ROBO1: variants seen among roughly 807,000 people sequenced by gnomAD.
ROBO1 encodes the protein roundabout homolog 1.
A neutral mutation model predicts 195.9 loss-of-function variants in ROBO1; 149 were observed. That is an observed-to-expected ratio of 0.76 (90% confidence interval 0.67 to 0.87). The LOEUF is 0.87. ROBO1 is among the 40% of genes least tolerant of loss of function. ROBO1 has a pLI of 0.00. For synonymous variants in ROBO1, 816 were observed against 733.2 expected, an observed-to-expected ratio of 1.11 and a Z score of -1.82; for missense variants, 1,933 against 2,068.3, an observed-to-expected ratio of 0.93 and a Z score of 1.27.
intron 2 of ROBO1, among the ~76,000 whole-genome samples, chr3:79,212,065 T>A (rs2081974390): frequency 6.6e-6 from 1 of 152,230 alleles, no homozygotes; most frequent in Non-Finnish European, 1.5e-5. Flanking sequence ...CAGGAGCATG[T>A]CCTTAAGGCA....
Position 78,741,405 on chromosome 3 carries a change from T to A in ROBO1, c.657+5338A>T, listed in dbSNP as rs73111654. ...TCTAAGAAAACAAACATAGAATAAG[T>A]GGCAAATTTTAAAACAAACAAACTA... On this transcript the variant is annotated intron_variant, in intron 5 of 30. Coordinates refer to ENST00000464233, the MANE Select transcript of ROBO1 (RefSeq NM_002941.4). Among the ~76,000 whole-genome samples, 1,501 of 152,308 alleles carry A rather than the reference T, an allele frequency of 9.9e-3. 11 individuals carry two copies. The highest frequency in any genetic ancestry group is 0.014 in the Admixed American group (216 of 15,294).
intron 10 of ROBO1, among the ~76,000 whole-genome samples, chr3:78,673,559 A>ATT (rs1172752825): frequency 3.2e-3 from 281 of 88,056 alleles, no homozygotes; most frequent in African/African-American, 9.0e-3. Flanking sequence ...GGTTACATAT[A>ATT]TTTTATATAT....
At chr3:78,614,903 T>C (rs963320843) in intron 27 of ROBO1, 103 bp from the exon 28 acceptor site, 1 of 1,218,110 alleles carries the variant, frequency 8.2e-7, no homozygotes, top group Non-Finnish European at 1.1e-6. Context: ...CAGCTTTAAT[T>C]TTTCTGAAAA....
At chr3:79,214,274 C>T (rs972039865) in intron 2 of ROBO1, among the ~76,000 whole-genome samples, 2 of 151,822 alleles carry the variant, frequency 1.3e-5, no homozygotes, top group African/African-American at 4.8e-5. Flanking sequence ...AGTTTATTAC[C>T]GTAAATAATA....
At chr3:79,348,225 A>T (rs926946081) in intron 2 of ROBO1, among the ~76,000 whole-genome samples, 39 of 151,892 alleles carry the variant, frequency 2.6e-4, no homozygotes, top group African/African-American at 8.9e-4. Flanking sequence ...AAAAAAAAAA[A>T]AAAAAGTGAA....
chr3:78,860,885 C>A (rs2034789920), intron 4 of ROBO1, among the ~76,000 whole-genome samples: 3 of 152,202 alleles, frequency 2.0e-5, no homozygotes, highest in Middle Eastern at 3.4e-3. Context: ...TCTCAGGTAT[C>A]CCAGATGGTT....
chr3:79,054,658 A>G lies in ROBO1; in HGVS notation c.172+70798T>C, dbSNP rs146593249. Among the ~76,000 whole-genome samples the G allele has an allele frequency of 4.2e-3, 643 of 152,182 alleles. 11 individuals are homozygous for G. The highest frequency in any genetic ancestry group is 0.014 in the African/African-American group (599 of 41,532). On this transcript the variant is annotated intron_variant, in intron 3 of 30. Coordinates refer to ENST00000464233, the MANE Select transcript of ROBO1 (RefSeq NM_002941.4). ...CATACTCGTAAAAATTGCACTTAAA[A>G]ACTTAAAAGCGGCCAAGCTGGCTCA... is the stretch of plus-strand genomic sequence containing the variant.
intron 2 of ROBO1, among the ~76,000 whole-genome samples, chr3:79,148,279 A>G (rs2080694639): frequency 1.3e-5 from 2 of 151,900 alleles, no homozygotes; most frequent in Admixed American, 1.3e-4. Flanking sequence ...CACAGTAAGA[A>G]TGAGAAGAAA....
At chr3:79,547,032 A>G (rs1193915219) in intron 2 of ROBO1, among the ~76,000 whole-genome samples, 1 of 151,700 alleles carries the variant, frequency 6.6e-6, no homozygotes. Context: ...ATACAAAAAC[A>G]AAATTAGCCG....
intron 4 of ROBO1, among the ~76,000 whole-genome samples, chr3:78,777,032 T>A (rs1380282562): frequency 6.6e-6 from 1 of 152,188 alleles, no homozygotes; most frequent in Non-Finnish European, 1.5e-5. Context: ...GTCATCTCTA[T>A]AATAATTACT....
At chr3:78,669,129 C>T (rs1707908687) in intron 11 of ROBO1, among the ~76,000 whole-genome samples, 1 of 152,144 alleles carries the variant, frequency 6.6e-6, no homozygotes, top group Admixed American at 6.6e-5. Flanking sequence ...CTGGAACGAA[C>T]ACTCTCGCTC....
intron 4 of ROBO1, among the ~76,000 whole-genome samples, chr3:78,896,974 G>A (rs1287713056): frequency 6.6e-6 from 1 of 152,172 alleles, no homozygotes; most frequent in African/African-American, 2.4e-5. Context: ...GATAGCAAGA[G>A]GTGAGAAAAT....
chr3:79,544,882 C>A (rs1390742706), intron 2 of ROBO1, among the ~76,000 whole-genome samples: 1 of 151,954 alleles, frequency 6.6e-6, no homozygotes, highest in Non-Finnish European at 1.5e-5. Flanking sequence ...CTTAAGGTTT[C>A]TTTTTTCTCT....
At chr3:79,099,295 A>G (rs2079630802) in intron 3 of ROBO1, among the ~76,000 whole-genome samples, 1 of 151,810 alleles carries the variant, frequency 6.6e-6, no homozygotes, top group African/African-American at 2.4e-5. Flanking sequence ...CACACAAAAA[A>G]TGAATAATAC....
At chr3:79,251,635 C>T (rs2082731471) in intron 2 of ROBO1, among the ~76,000 whole-genome samples, 1 of 152,104 alleles carries the variant, frequency 6.6e-6, no homozygotes, top group South Asian at 2.1e-4. Context: ...CCTGCAGTCC[C>T]AGCTACTCGG....
chr3:79,393,145 C>T (rs1006269267), intron 2 of ROBO1, among the ~76,000 whole-genome samples: 3 of 152,190 alleles, frequency 2.0e-5, no homozygotes, highest in African/African-American at 7.2e-5. Context: ...ATCATTTGGT[C>T]ATAGGTAGAA....
chr3:79,217,058 T>C (rs2082067446), intron 2 of ROBO1, among the ~76,000 whole-genome samples: 1 of 152,096 alleles, frequency 6.6e-6, no homozygotes, highest in South Asian at 2.1e-4. Context: ...CTTTATCCAA[T>C]CTTTTCATTC....
chr3:78,762,686 C>T (rs956326101), intron 4 of ROBO1, among the ~76,000 whole-genome samples: 7 of 151,780 alleles, frequency 4.6e-5, no homozygotes, highest in Non-Finnish European at 7.4e-5. Flanking sequence ...AAATAAAAGA[C>T]GATGAGCAAG....
At position 78,651,786 on chromosome 3, in the gene ROBO1, G is replaced by C. The variant is rs1706676495; in HGVS notation, c.2758C>G (p.Arg920Gly). ...ILMVFSIWLY[R>G]HRKKRNGLTS... is the part of the protein sequence containing the mutation. ...AGTCCGTTTCTCTTCTTGCGGTGTC[G>C]ATAAAGCCAGATGCTGAAGACCATG... Residue 920 changes from arginine to glycine, a missense_variant, in exon 19 of 31, where the codon CGA becomes GGA. Physicochemically the swap from Arg to Gly is moderately radical, Grantham distance 125. Coordinates refer to ENST00000464233, the MANE Select transcript of ROBO1 (RefSeq NM_002941.4). The C allele has an allele frequency of 1.2e-6, 2 of 1,613,390 alleles. No individual in the cohort carries two copies. The highest frequency in any genetic ancestry group is 2.2e-5 in the South Asian group (2 of 91,066).
Sources: allele counts gnomAD v4.1 joint callset (sites outside exome capture counted in the v4.1 genomes callset), GRCh38; gene constraint gnomAD v4.1.1; transcripts MANE v1.5; gene names NCBI Gene and HGNC (gene_info 2026-07-23, HGNC 2026-07-21).